Variants in DDR1 observed in about 807,000 individuals in gnomAD.
DDR1 encodes discoidin domain receptor tyrosine kinase 1.
In DDR1, 64 loss-of-function variants were observed where a neutral mutation model predicts 97.4. The observed-to-expected ratio is 0.66, with a 90% CI of 0.54 to 0.81. The LOEUF (loss-of-function observed/expected upper bound fraction) is 0.81. Ranked by LOEUF, DDR1 falls within the 30% of genes least tolerant of loss-of-function variation. The pLI is 0.00. For missense variants in DDR1, 990 were observed against 1,259.6 expected, an observed-to-expected ratio of 0.79 and a Z score of 3.24; for synonymous variants, 458 against 503.7, an observed-to-expected ratio of 0.91 and a Z score of 1.21.
At chr6:30,881,515 G>C (rs73727104), upstream of DDR1, 6,676 of 153,106 alleles carry the variant, frequency 0.044, 244 homozygotes, top group African/African-American at 0.095. Context: ...TCCACTCTCT[G>C]TTTCACTCCA....
rs776400577 is a variant in DDR1 at position 30,891,336 on chromosome 6, G to A, written c.566-44G>A. On this transcript the variant is annotated intron_variant, in intron 5 of 17. Transcript: ENST00000376568. The surrounding 1 kb of genome is among the most constrained non-coding windows in gnomAD (Gnocchi z 5.3). ...CAGGCCTGATGCAGGGATGGGGGAT[G>A]GAGCCTTAGTGCCTCTGACCCCCAT... 4 of 1,522,038 alleles carry A rather than the reference G, an allele frequency of 2.6e-6. No homozygotes were observed. The highest frequency in any genetic ancestry group is 1.4e-5 in the African/African-American group (1 of 73,220). The allele number at this position is 1,522,038 out of a possible 1,614,324, so 94.3% of individuals were successfully genotyped here. A position where few individuals can be genotyped will look rare whatever the true frequency, so the allele number is the denominator to read the frequency against.
intron 11 of DDR1, among the ~76,000 whole-genome samples, chr6:30,895,057 ATC>A (rs964121846): frequency 1.5e-4 from 23 of 151,970 alleles, no homozygotes; most frequent in African/African-American, 5.6e-4. Context: ...ATCTTCCATC[ATC>A]TGTCTTTCTA....
chr6:30,892,033 G>C lies in DDR1; in HGVS notation c.697G>C (p.Asp233His), dbSNP rs1788592545. 1 of 1,614,114 alleles carries C rather than the reference G, an allele frequency of 6.2e-7. No homozygotes were observed. The highest frequency in any genetic ancestry group is 8.5e-7 in the Non-Finnish European group (1 of 1,179,988). ...LQYGGLGQLA[D>H]GVVGLDDFRK... ...GTATGGGGGTCTGGGCCAGCTGGCA[G>C]ATGGTGTGGTGGGGCTGGATGACTT... Residue 233 changes from aspartate (D) to histidine (H), a missense_variant, in exon 7 of 18, where the codon GAT (aspartate) becomes CAT (histidine). Coordinates refer to ENST00000376568, the MANE Select transcript of DDR1 (RefSeq NM_001297654.2).
Position 30,891,400 on chromosome 6 carries a change from G to T in DDR1, c.586G>T (p.Ala196Ser), listed in dbSNP as rs557271556. The change falls in exon 6 of 18, where the codon GCC becomes TCC. Residue 196 changes from alanine to serine, a missense_variant. By Grantham distance (99) the Ala-to-Ser change is moderately conservative (BLOSUM62 1). Transcript: ENST00000376568. This position sits in a 1 kb window ranked among gnomAD's most constrained non-coding sequence, Gnocchi z 5.3. ...CCCAGATGGACTCCTGTCTTACACC[G>T]CCCCTGTGGGGCAGACAATGTATTT... is the stretch of plus-strand genomic sequence containing the variant. Reference protein sequence around the residue: ...LWRDGLLSYTAPVGQTMYLSE... With the variant: ...LWRDGLLSYTSPVGQTMYLSE... 44 of 1,612,858 alleles carry T rather than the reference G, an allele frequency of 2.7e-5. No homozygotes were observed. The East Asian group carries it at 9.4e-4, about 34-fold the overall frequency.
chr6:30,898,956 T>G lies in DDR1; in HGVS notation c.2520T>G (p.Cys840Trp). ...GVTLWEVLML[C>W]RAQPFGQLTD... Reference sequence around the variant, plus strand: ...CCCTGTGGGAGGTGCTGATGCTCTGTAGGGCCCAGCCCTTTGGGCAGCTCA... The same window carrying G: ...CCCTGTGGGAGGTGCTGATGCTCTGGAGGGCCCAGCCCTTTGGGCAGCTCA... Residue 840 changes from cysteine (C) to tryptophan (W), a missense_variant, in exon 17 of 18, where the codon TGT (cysteine) becomes TGG (tryptophan). Physicochemically the swap from Cys to Trp is radical, Grantham distance 215. Coordinates refer to ENST00000376568, the MANE Select transcript of DDR1 (RefSeq NM_001297654.2). 1 of 1,614,084 alleles carries G rather than the reference T, an allele frequency of 6.2e-7. No individual in the cohort carries two copies. Among genetic ancestry groups the G allele is most frequent in the Non-Finnish European group, 8.5e-7 (1 of 1,179,980 alleles).
rs201098922 is a variant in DDR1, at chr6:30,892,523, C to T, written c.1080C>T (p.Ser360=). 119 of 1,595,308 alleles carry T rather than the reference C, an allele frequency of 7.5e-5. No individual in the cohort carries two copies. Among genetic ancestry groups the T allele is most frequent in the African/African-American group, 2.4e-4 (18 of 74,386 alleles). ...FLFAGPWLLF[S]EISFISDVVN... ...TTGCGGGGCCCTGGTTACTCTTCAG[C>T]GAAATCTCCTTCATCTCTGGTAAGC... The change falls in exon 8 of 18, where the codon AGC becomes AGT. Residue 360 remains serine (S), a synonymous_variant. Transcript: ENST00000376568.
chr6:30,891,890 A>G lies in DDR1; in HGVS notation c.666-112A>G. ...GGTGGGATGGGAATGGGACTAGTGG[A>G]TGGGAGCCAGGCTGGCCATGCCACT... On this transcript the variant is annotated intron_variant, in intron 6 of 17. Transcript: ENST00000376568. The surrounding 1 kb of genome is among the most constrained non-coding windows in gnomAD (Gnocchi z 5.3). The G allele has an allele frequency of 8.4e-7, 1 of 1,188,742 alleles. No individual in the cohort carries two copies. The highest frequency in any genetic ancestry group is 1.8e-5 in the Admixed American group (1 of 55,416). 73.6% of individuals were successfully genotyped at this position (1,188,742 alleles called of 1,614,324 possible). A position where few individuals can be genotyped will look rare whatever the true frequency, so the allele number is the denominator to read the frequency against.
chr6:30,894,500 GAC>G lies in DDR1; in HGVS notation c.1348-4_1348-3del, dbSNP rs568068038. 2.1e-4 allele frequency: 344 copies of G among 1,604,090 alleles called. 3 individuals carry two copies. In the South Asian group the frequency reaches 3.6e-3, roughly 17 times the overall value. On this transcript the variant is annotated splice_region_variant and splice_polypyrimidine_tract_variant and intron_variant, in intron 10 of 17. Transcript: ENST00000376568. The surrounding 1 kb of genome is among the most constrained non-coding windows in gnomAD (Gnocchi z 5.7). ...CACGGGTGATGCCTCCCATCCCTATGACAAGGCTGAACGGAGGGTGTTGGAAG... is the reference window on the plus strand; with the variant it reads ...CACGGGTGATGCCTCCCATCCCTATGAAGGCTGAACGGAGGGTGTTGGAAG...
At chr6:30,885,001 G>A (rs1785253422) in intron 1 of DDR1, 2 of 528,070 alleles carry the variant, frequency 3.8e-6, no homozygotes, top group Non-Finnish European at 3.4e-6. Context: ...ACTGAGCCCC[G>A]GGAGGAGGTG....
rs2150487993 is a variant in DDR1 at position 30,899,291 on chromosome 6, G to C, written c.2737G>C (p.Val913Leu). ...RFLAEDALNT[V>L] ...CCTGGCAGAGGATGCACTCAACACG[G>C]TGTGAATCACACATCCAGCTGCCCC... Residue 913 changes from valine to leucine, a missense_variant, in exon 18 of 18, where the codon GTG becomes CTG. By Grantham distance (32) the Val-to-Leu change is conservative. Transcript: ENST00000376568. 1 of 1,607,358 alleles carries C rather than the reference G, an allele frequency of 6.2e-7. No individual in the cohort carries two copies. Among genetic ancestry groups the C allele is most frequent in the Non-Finnish European group, 8.5e-7 (1 of 1,174,974 alleles).
At chr6:30,898,839 A>G (rs375158019) in intron 16 of DDR1, 49 bp from the exon 17 acceptor site, 27 of 1,571,486 alleles carry the variant, frequency 1.7e-5, no homozygotes, top group Non-Finnish European at 2.1e-5. Flanking sequence ...AGGAGGGTCT[A>G]CGTTGCCTGA....
rs1789783008 is a variant in DDR1 at position 30,894,202 on chromosome 6, A to C, written c.1348-304A>C. 6.6e-6 allele frequency among the ~76,000 whole-genome samples: 1 copy of C among 152,086 alleles called. No homozygotes were observed. The highest frequency in any genetic ancestry group is 1.5e-5 in the Non-Finnish European group (1 of 68,000). Reference sequence around the variant, plus strand: ...GCGAAGGTTGCAGTGAGCTGAGATCATGCCATTTCACTTCAGCCTGGGCGA... The same window carrying C: ...GCGAAGGTTGCAGTGAGCTGAGATCCTGCCATTTCACTTCAGCCTGGGCGA... On this transcript the variant is annotated intron_variant, in intron 10 of 17. Transcript: ENST00000376568. The surrounding 1 kb of genome is among the most constrained non-coding windows in gnomAD (Gnocchi z 5.7).
Position 30,894,460 on chromosome 6 carries a change from G to A in DDR1, c.1348-46G>A, listed in dbSNP as rs370870529. On this transcript the variant is annotated intron_variant, in intron 10 of 17. Transcript: ENST00000376568. This position sits in a 1 kb window ranked among gnomAD's most constrained non-coding sequence, Gnocchi z 5.7. ...GATGGACACAGCAGAGGGCCAGGCC[G>A]TGTGTGCTGAGCAACACGGGTGATG... The A allele has an allele frequency of 2.1e-5, 33 of 1,549,884 alleles. No homozygotes were observed. The highest frequency in any genetic ancestry group is 1.4e-4 in the African/African-American group (10 of 73,196).
rs1375694792 is a variant in DDR1 at position 30,888,867 on chromosome 6, G to A, written c.86-41G>A. ...AGGGCCAGGGCTTGGGAGGTAGAGA[G>A]TTGGGGGCCTTGACCTGTTACATGC... On this transcript the variant is annotated intron_variant, in intron 2 of 17. Transcript: ENST00000376568. This position sits in a 1 kb window ranked among gnomAD's most constrained non-coding sequence, Gnocchi z 4.2. The A allele has an allele frequency of 1.2e-6, 2 of 1,612,846 alleles. No individual in the cohort carries two copies. The highest frequency in any genetic ancestry group is 1.7e-6 in the Non-Finnish European group (2 of 1,179,986).
chr6:30,882,400 CAGG>C (rs2150192686), upstream of DDR1, among the ~76,000 whole-genome samples: 1 of 152,298 alleles, frequency 6.6e-6, no homozygotes, highest in South Asian at 2.1e-4. The surrounding 1 kb of genome is among the most constrained non-coding windows in gnomAD (Gnocchi z 4.8). Flanking sequence ...CGGAGTGATG[CAGG>C]AGATGTGGAA....
rs1787474870 is a variant in DDR1, at chr6:30,890,064, C to T, written c.417+634C>T. Among the ~76,000 whole-genome samples, 1 of 152,218 alleles carries T rather than the reference C, an allele frequency of 6.6e-6. No individual in the cohort carries two copies. The highest frequency in any genetic ancestry group is 2.1e-4 in the South Asian group (1 of 4,832). ...TGAGTGCAGTAGATGCCAAACGCGT[C>T]TCCCTGCTTCTGCCCTTTTCTGCCT... is the stretch of plus-strand genomic sequence containing the variant. On this transcript the variant is annotated intron_variant, in intron 4 of 17. Transcript: ENST00000376568. The surrounding 1 kb of genome is among the most constrained non-coding windows in gnomAD (Gnocchi z 5.0).
chr6:30,885,666 TGAAG>T (rs1204486541), intron 1 of DDR1: 16 of 1,332,934 alleles, frequency 1.2e-5, no homozygotes, highest in Non-Finnish European at 1.6e-5. Flanking sequence ...GGGTTGGACT[TGAAG>T]GAATGCCAAG....
In DDR1 at chr6:30,898,113, G is replaced by A. The variant is rs766602083; in HGVS notation, c.2257G>A (p.Gly753Ser). The A allele has an allele frequency of 3.7e-6, 6 of 1,614,136 alleles. No homozygotes were observed. The highest frequency in any genetic ancestry group is 1.7e-5 in the Admixed American group (1 of 60,016). Residue 753 changes from glycine (G) to serine (S), a missense_variant, in exon 16 of 18, where the codon GGC (glycine) becomes AGC (serine). Gly to Ser is a moderately conservative substitution (Grantham distance 56, BLOSUM62 0). Coordinates refer to ENST00000376568, the MANE Select transcript of DDR1 (RefSeq NM_001297654.2). The part of the protein sequence containing the change: ...LLHVAAQIAS[G>S]MRYLATLNFV... ...GCATGTGGCAGCCCAGATCGCCTCC[G>A]GCATGCGCTATCTGGCCACACTCAA...
rs763648977 is a variant in DDR1 at position 30,892,461 on chromosome 6, G to A, written c.1018G>A (p.Gly340Ser). 49 of 1,609,842 alleles carry A rather than the reference G, an allele frequency of 3.0e-5. No homozygotes were observed. The highest frequency in any genetic ancestry group is 1.9e-4 in the South Asian group (17 of 91,048). The change falls in exon 8 of 18, where the codon GGC becomes AGC. Residue 340 changes from glycine (G) to serine (S), a missense_variant. Physicochemically the swap from Gly to Ser is moderately conservative, Grantham distance 56. Transcript: ENST00000376568. ...CCGGGCTGTCTCAGTGCCCCTTGGC[G>A]GCCGTGTGGCTCGCTTTCTGCAGTG... is the stretch of plus-strand genomic sequence containing the variant. ...RARAVSVPLG[G>S]RVARFLQCRF...
Sources: gnomAD v4.1 joint callset for allele counts (sites outside exome capture counted in the v4.1 genomes callset) on GRCh38, gnomAD v4.1.1 for gene constraint, Gnocchi (gnomAD v3.1) non-coding constraint, MANE v1.5 for transcripts, NCBI Gene and HGNC (gene_info 2026-07-23, HGNC 2026-07-21) for gene names.